Variants in TNS1 observed in about 807,000 individuals in gnomAD.
TNS1 encodes tensin-1.
In TNS1, 62 loss-of-function variants were observed where a neutral mutation model predicts 168.6. That is an observed-to-expected ratio of 0.37 (90% CI 0.30 to 0.45). The LOEUF (loss-of-function observed/expected upper bound fraction) is 0.45. Among genes scored for constraint, TNS1 ranks in the 20% least tolerant of loss-of-function variants. TNS1 has a pLI of 1.00. For missense variants in TNS1, 2,240 were observed against 2,339.4 expected, an observed-to-expected ratio of 0.96 and a Z score of 0.88; for synonymous variants, 934 against 933.2, an observed-to-expected ratio of 1.00 and a Z score of -0.02.
intron 18 of TNS1, among the ~76,000 whole-genome samples, chr2:217,858,260 T>C (rs1948399895): frequency 6.6e-6 from 1 of 151,818 alleles, no homozygotes; most frequent in Non-Finnish European, 1.5e-5. Flanking sequence ...GGCTCTTACG[T>C]GTCCCAGAAG....
rs369782857 is a variant in TNS1 at position 217,813,645 on chromosome 2, C to G, written c.4861+40G>C. ...ACCTCCAGGTTTAGCGACTGTAAAG[C>G]TCACCTGGTCCTGAGCCCCATTCTG... is the stretch of plus-strand genomic sequence containing the variant. On this transcript the variant is annotated intron_variant, in intron 26 of 32. Coordinates refer to ENST00000682258, the MANE Select transcript of TNS1 (RefSeq NM_001387777.1). This position sits in a 1 kb window ranked among gnomAD's most constrained non-coding sequence, Gnocchi z 4.0. The G allele has an allele frequency of 1.7e-5, 27 of 1,570,368 alleles. No individual in the cohort carries two copies. The African/African-American group carries it at 3.5e-4, about 21-fold the overall frequency.
At chr2:217,835,247 A>T (rs1945006941) in intron 20 of TNS1, 81 bp from the exon 21 acceptor site, 1 of 1,360,662 alleles carries the variant, frequency 7.3e-7, no homozygotes, top group Non-Finnish European at 1.0e-6. Flanking sequence ...AGGTATGAGG[A>T]CAGTGAGTTA....
chr2:217,941,272 C>A (rs1455405718), intron 3 of TNS1, among the ~76,000 whole-genome samples: 1 of 152,228 alleles, frequency 6.6e-6, no homozygotes, highest in Non-Finnish European at 1.5e-5. Flanking sequence ...AGCCCCAGAG[C>A]CCCTCAACAG....
chr2:217,973,221 G>A (rs544058894), intron 3 of TNS1, among the ~76,000 whole-genome samples: 1 of 151,984 alleles, frequency 6.6e-6, no homozygotes, highest in Non-Finnish European at 1.5e-5. Flanking sequence ...GCCAGGTGTG[G>A]TGGCGCACAC....
At chr2:217,988,531 A>G (rs1037459136) in intron 2 of TNS1, among the ~76,000 whole-genome samples, 3 of 152,148 alleles carry the variant, frequency 2.0e-5, no homozygotes, top group African/African-American at 4.8e-5. Flanking sequence ...GAAGGAAGGA[A>G]CCGTGGGGAA....
Position 217,848,252 on chromosome 2 carries a change from G to A in TNS1, c.2265C>T (p.Pro755=), listed in dbSNP as rs1414474267. The A allele has an allele frequency of 6.4e-7, 1 of 1,556,576 alleles. No homozygotes were observed. Among genetic ancestry groups the A allele is most frequent in the Admixed American group, 1.9e-5 (1 of 52,116 alleles). The change falls in exon 19 of 33, where the codon CCC becomes CCT. Residue 755 remains proline (P), a synonymous_variant. Coordinates refer to ENST00000682258, the MANE Select transcript of TNS1 (RefSeq NM_001387777.1). ...TGCTTCCCCCTCGGACCGGAGCTGG[G>A]GGCAGCTGGGGTTCAGCTTCCGAAA... ...QSFSEAEPQL[P]PAPVRGGSSR... is the part of the protein sequence containing the mutation.
At chr2:217,965,938 C>T (rs1268392923) in intron 3 of TNS1, among the ~76,000 whole-genome samples, 1 of 152,064 alleles carries the variant, frequency 6.6e-6, no homozygotes, top group Non-Finnish European at 1.5e-5. Context: ...CAGTGGGACT[C>T]CACTGGTCTT....
At chr2:218,029,544 T>C (rs1958876395) in intron 1 of TNS1, among the ~76,000 whole-genome samples, 1 of 152,232 alleles carries the variant, frequency 6.6e-6, no homozygotes, top group Non-Finnish European at 1.5e-5. Flanking sequence ...ATGGACAGCG[T>C]GTCTTCACAC....
At chr2:217,994,988 G>A (rs1958441930) in intron 1 of TNS1, among the ~76,000 whole-genome samples, 1 of 152,204 alleles carries the variant, frequency 6.6e-6, no homozygotes, top group African/African-American at 2.4e-5. Flanking sequence ...TGAGGAGTTT[G>A]GACCAGACAG....
rs766958267 is a variant in TNS1 at position 217,895,020 on chromosome 2, T to G, written c.580A>C (p.Lys194Gln). 17 of 1,612,818 alleles carry G rather than the reference T, an allele frequency of 1.1e-5. No homozygotes were observed. Among genetic ancestry groups the G allele is most frequent in the African/African-American group, 2.7e-5 (2 of 74,884 alleles). Residue 194 changes from lysine to glutamine, a missense_variant, in exon 9 of 33, where the codon AAG becomes CAG. Lys to Gln is a moderately conservative substitution (Grantham distance 53). Around this residue, in one of 2 missense-constraint regions of TNS1, gnomAD observed 2,131 missense variants for 2,171.2 expected, o/e 0.98. Transcript: ENST00000682258. Reference sequence around the variant, plus strand: ...CCCTGGCTCACCTTGGCATGGAGCTTCGTGATGTCAGGTCTCCGCTCAGAG... The same window carrying G: ...CCCTGGCTCACCTTGGCATGGAGCTGCGTGATGTCAGGTCTCCGCTCAGAG... The part of the protein sequence containing the change: ...NLSERRPDIT[K>Q]LHAKVLEFGW...
intron 19 of TNS1, among the ~76,000 whole-genome samples, chr2:217,839,519 G>T (rs2125356569): frequency 6.6e-6 from 1 of 152,156 alleles, no homozygotes; most frequent in Non-Finnish European, 1.5e-5. Flanking sequence ...CCTAGCATGA[G>T]CCAGACTGGA....
chr2:218,005,396 G>A (rs1454437718), upstream of TNS1, among the ~76,000 whole-genome samples: 3 of 152,166 alleles, frequency 2.0e-5, no homozygotes, highest in Non-Finnish European at 4.4e-5. Flanking sequence ...GGTTCCCTTG[G>A]AGAAACCCTC....
intron 28 of TNS1, among the ~76,000 whole-genome samples, chr2:217,811,771 C>A (rs760467391): frequency 6.6e-6 from 1 of 152,178 alleles, no homozygotes; most frequent in Non-Finnish European, 1.5e-5. Flanking sequence ...CTAGCCCTGC[C>A]GTCTCACTCA....
At position 217,817,843 on chromosome 2, in the gene TNS1, ACATC is replaced by A. The variant is rs1249223003; in HGVS notation, c.4485_4488del (p.Arg1495SerfsTer62). 6.2e-7 allele frequency: 1 copy of A among 1,614,214 alleles called. No homozygotes were observed. ...AGGCTGCCTGCCCGGTCTCCCACTG[ACATC>A]CTTCGCTTCTCTGGCAAGGCTGGTG... On this transcript the variant is annotated frameshift_variant, in exon 24 of 33. Coordinates refer to ENST00000682258, the MANE Select transcript of TNS1 (RefSeq NM_001387777.1). LOFTEE classifies it high-confidence loss of function.
chr2:217,818,219 C>T lies in TNS1; in HGVS notation c.4113G>A (p.Pro1371=), dbSNP rs374789237. The T allele has an allele frequency of 9.9e-6, 16 of 1,613,816 alleles. No individual in the cohort carries two copies. Among genetic ancestry groups the T allele is most frequent in the East Asian group, 2.2e-5 (1 of 44,876 alleles). ...GGTGCCGGCCCAGGCTGGGACTCCC[C>T]GGGGTGGTGGCCACTTTGTTGTGGA... ...SGLHNKVATT[P]GSPSLGRHPG... The change falls in exon 24 of 33, where the codon CCG becomes CCA. Residue 1371 remains proline, a synonymous_variant. Coordinates refer to ENST00000682258, the MANE Select transcript of TNS1 (RefSeq NM_001387777.1).
At chr2:217,919,747 A>AG (rs1955524387) in intron 4 of TNS1, among the ~76,000 whole-genome samples, 1 of 152,264 alleles carries the variant, frequency 6.6e-6, no homozygotes, top group South Asian at 2.1e-4. Context: ...AGTCAAGCCA[A>AG]GGGGCTTAGA....
chr2:217,840,941 A>C (rs1031550108), intron 19 of TNS1, among the ~76,000 whole-genome samples: 3 of 152,110 alleles, frequency 2.0e-5, no homozygotes, highest in Admixed American at 1.3e-4. Flanking sequence ...GACAGGAGGG[A>C]GAGAGGGCTG....
intron 3 of TNS1, among the ~76,000 whole-genome samples, chr2:217,926,438 G>A (rs1023655537): frequency 6.6e-6 from 1 of 152,186 alleles, no homozygotes; most frequent in Non-Finnish European, 1.5e-5. Context: ...CACTTGGGTT[G>A]CTTCCAGAGA....
At chr2:217,837,986 C>A (rs1056157791) in intron 19 of TNS1, among the ~76,000 whole-genome samples, 3 of 152,260 alleles carry the variant, frequency 2.0e-5, no homozygotes, top group Admixed American at 6.5e-5. Context: ...CCACTGATTT[C>A]ATTCCTGGCA....
Sources: gnomAD v4.1 joint callset for allele counts (sites outside exome capture counted in the v4.1 genomes callset) on GRCh38, gnomAD v4.1.1 for gene constraint, gnomAD v4.1.1 regional missense constraint, Gnocchi (gnomAD v3.1) non-coding constraint, MANE v1.5 for transcripts, NCBI Gene and HGNC (gene_info 2026-07-23, HGNC 2026-07-21) for gene names.